The following AK9 variants were observed in gnomAD, a reference collection of about 807,000 sequenced individuals.
AK9 encodes the protein adenylate kinase domain containing 1.
A neutral mutation model predicts 239.6 loss-of-function variants in AK9; 191 were observed. That is an observed-to-expected ratio of 0.80 (90% CI 0.71 to 0.90). The LOEUF (loss-of-function observed/expected upper bound fraction) is 0.90. Ranked by LOEUF, AK9 falls within the 40% of genes least tolerant of loss-of-function variation. AK9 has a pLI of 0.00. For missense variants in AK9, 1,995 were observed against 2,214.7 expected, an observed-to-expected ratio of 0.90 and a Z score of 1.99; for synonymous variants, 689 against 721.0, an observed-to-expected ratio of 0.96 and a Z score of 0.71.
Position 109,656,753 on chromosome 6 carries a change from T to C in AK9, c.759+3A>G, listed in dbSNP as rs1486071859. 6.3e-7 allele frequency: 1 copy of C among 1,579,306 alleles called. No homozygotes were observed. The highest frequency in any genetic ancestry group is 8.7e-7 in the Non-Finnish European group (1 of 1,155,946). ...CATTTTCAGCAATATATTTTGTTCT[T>C]ACTTCTAAAGTTTGGAGAATTGTTT... is the stretch of plus-strand genomic sequence containing the variant. On this transcript the variant is annotated splice_donor_region_variant and intron_variant, in intron 8 of 40. Transcript: ENST00000424296.
intron 17 of AK9, among the ~76,000 whole-genome samples, chr6:109,602,549 G>A (rs558090203): frequency 7.4e-4 from 112 of 152,180 alleles, no homozygotes; most frequent in African/African-American, 2.6e-3. Context: ...ACAATTATGT[G>A]TCTTGGAGTT....
Position 109,677,229 on chromosome 6 carries a change from C to T in AK9, c.-11-1473G>A, listed in dbSNP as rs139138795. 4.9e-4 allele frequency among the ~76,000 whole-genome samples: 74 copies of T among 151,892 alleles called. 1 individual carries two copies. Among genetic ancestry groups the T allele is most frequent in the African/African-American group, 1.8e-3 (73 of 41,434 alleles). ...CTATATAGTAAACCTGCACATGTACCCCGAACCTAAAAGTTAAAAAATAAA... is the reference window on the plus strand; with the variant it reads ...CTATATAGTAAACCTGCACATGTACTCCGAACCTAAAAGTTAAAAAATAAA... On this transcript the variant is annotated intron_variant, in intron 1 of 40. Transcript: ENST00000424296.
intron 25 of AK9, among the ~76,000 whole-genome samples, chr6:109,547,048 C>T (rs1783655180): frequency 6.6e-6 from 1 of 152,114 alleles, no homozygotes; most frequent in African/African-American, 2.4e-5. Flanking sequence ...AAACAGCAAA[C>T]CAGACTAAGC....
At chr6:109,676,906 G>T (rs1004288967) in intron 1 of AK9, among the ~76,000 whole-genome samples, 6 of 152,092 alleles carry the variant, frequency 3.9e-5, no homozygotes, top group African/African-American at 1.4e-4. Context: ...AGAATACTAT[G>T]CAGCCATGAA....
intron 19 of AK9, among the ~76,000 whole-genome samples, chr6:109,582,050 A>G (rs1288162867): frequency 6.6e-6 from 1 of 152,224 alleles, no homozygotes; most frequent in African/African-American, 2.4e-5. Context: ...TGCTTTACTG[A>G]GTATTTTAAC....
At chr6:109,608,230 G>T (rs1442972471) in intron 17 of AK9, among the ~76,000 whole-genome samples, 1 of 147,386 alleles carries the variant, frequency 6.8e-6, no homozygotes, top group East Asian at 2.0e-4. Context: ...AGTGAGCTGA[G>T]ATCGCACCAC....
chr6:109,649,821 C>T (rs1798649653), intron 8 of AK9, among the ~76,000 whole-genome samples: 1 of 152,196 alleles, frequency 6.6e-6, no homozygotes, highest in African/African-American at 2.4e-5. Flanking sequence ...ATCACGCTAC[C>T]TGACTTCAAA....
chr6:109,592,901 G>A lies in AK9; in HGVS notation c.1843-6829C>T, dbSNP rs544133998. Among the ~76,000 whole-genome samples the A allele has an allele frequency of 5.3e-5, 8 of 151,954 alleles. No homozygotes were observed. In the East Asian group the frequency reaches 1.5e-3, roughly 29 times the overall value. On this transcript the variant is annotated intron_variant, in intron 17 of 40. Transcript: ENST00000424296. The stretch of plus-strand genomic sequence containing the variant: ...TAGTTTTCTGATCTTCTTATATCTG[G>A]CTGTCTAGATCTCTGACAAAATTAA...
intron 21 of AK9, 64 bp from the exon 22 acceptor site, chr6:109,564,909 T>C: frequency 7.8e-7 from 1 of 1,276,014 alleles, no homozygotes; most frequent in Non-Finnish European, 1.1e-6. Context: ...ATGAAAGTTT[T>C]GGCACAAAGA....
At chr6:109,564,676 A>G (rs1786235774) in intron 22 of AK9, 80 bp downstream of exon 22, 1 of 1,048,388 alleles carries the variant, frequency 9.5e-7, no homozygotes, top group East Asian at 2.7e-5. Flanking sequence ...CGCACCTACT[A>G]TGCCTAAAAT....
chr6:109,573,973 G>T (rs1053399034), intron 20 of AK9, among the ~76,000 whole-genome samples: 2 of 152,086 alleles, frequency 1.3e-5, no homozygotes, highest in Non-Finnish European at 2.9e-5. Context: ...TTGAAATGAG[G>T]CTAGTCCAAA....
At chr6:109,634,100 G>A (rs1311396529) in intron 10 of AK9, among the ~76,000 whole-genome samples, 1 of 152,164 alleles carries the variant, frequency 6.6e-6, no homozygotes, top group African/African-American at 2.4e-5. Flanking sequence ...AAATTTAATT[G>A]CCATTGTGAT....
In AK9 at chr6:109,515,897, T is replaced by C. The variant is rs1226565679; in HGVS notation, c.4025A>G (p.Tyr1342Cys). ...PLAQKMLTFT[Y>C]KYISSFGYWD... Reference sequence around the variant, plus strand: ...ATAGCCGAATGAGCTTATATACTTGTAGGTAAAGGTGAGCATTTTCTGGGC... The same window carrying C: ...ATAGCCGAATGAGCTTATATACTTGCAGGTAAAGGTGAGCATTTTCTGGGC... Residue 1342 changes from tyrosine (Y) to cysteine (C), a missense_variant, in exon 31 of 41, where the codon TAC (tyrosine) becomes TGC (cysteine). Transcript: ENST00000424296. 1.9e-6 allele frequency: 3 copies of C among 1,551,628 alleles called. No homozygotes were observed. The highest frequency in any genetic ancestry group is 2.4e-5 in the East Asian group (1 of 40,924).
chr6:109,675,635 C>T lies in AK9; in HGVS notation c.111G>A (p.Gly37=). The change falls in exon 2 of 41, where the codon GGG becomes GGA. Residue 37 remains glycine, a synonymous_variant. Transcript: ENST00000424296. ...ATAATAAGAGATAACTTACTGGTTT[C>T]CCAAATACAACAAAGCAAACAGGTT... is the stretch of plus-strand genomic sequence containing the variant. ...LSKPVCFVVF[G]KPGVGKTTLA... is the part of the protein sequence containing the mutation. The T allele has an allele frequency of 6.6e-7, 1 of 1,523,990 alleles. No homozygotes were observed. Among genetic ancestry groups the T allele is most frequent in the South Asian group, 1.3e-5 (1 of 75,956 alleles). The allele number at this position is 1,523,990 out of a possible 1,614,324, so 94.4% of individuals were successfully genotyped here.
At chr6:109,537,454 C>G (rs545450028) in intron 27 of AK9, among the ~76,000 whole-genome samples, 34 of 145,326 alleles carry the variant, frequency 2.3e-4, no homozygotes, top group African/African-American at 6.6e-4. Context: ...GGTGATATCC[C>G]CTTTATCATT....
chr6:109,648,589 G>A (rs1223524211), intron 8 of AK9, among the ~76,000 whole-genome samples: 2 of 152,266 alleles, frequency 1.3e-5, no homozygotes, highest in African/African-American at 4.8e-5. Context: ...TGAAATTGAC[G>A]CAATAATCAA....
At position 109,529,642 on chromosome 6, in the gene AK9, C is replaced by T. The variant is rs563235787; in HGVS notation, c.3571-569G>A. 4.6e-5 allele frequency among the ~76,000 whole-genome samples: 7 copies of T among 152,082 alleles called. No individual in the cohort carries two copies. In the South Asian group the frequency reaches 1.5e-3, roughly 32 times the overall value. On this transcript the variant is annotated intron_variant, in intron 28 of 40. Coordinates refer to ENST00000424296, the MANE Select transcript of AK9 (RefSeq NM_001145128.3). ...ACCATAATGTAGAATCAGTGGGGGC[C>T]CTAAACTTGTTTTCCTGCAACTACA...
At chr6:109,654,333 A>T (rs1401020518) in intron 8 of AK9, among the ~76,000 whole-genome samples, 1 of 151,368 alleles carries the variant, frequency 6.6e-6, no homozygotes, top group Non-Finnish European at 1.5e-5. Flanking sequence ...TTTATATATA[A>T]TATATATATT....
intron 21 of AK9, among the ~76,000 whole-genome samples, chr6:109,568,797 A>C (rs777816446): frequency 6.6e-6 from 1 of 152,244 alleles, no homozygotes; most frequent in Non-Finnish European, 1.5e-5. Flanking sequence ...AACAAATGGG[A>C]GAACATTCCA....
Sources: gnomAD v4.1 joint callset for allele counts (sites outside exome capture counted in the v4.1 genomes callset) on GRCh38, gnomAD v4.1.1 for gene constraint, MANE v1.5 for transcripts, NCBI Gene and HGNC (gene_info 2026-07-23, HGNC 2026-07-21) for gene names.